Variants in LRRC31 observed in about 807,000 individuals in gnomAD.
LRRC31 encodes leucine rich repeat containing 31.
In LRRC31, 35 loss-of-function variants were observed where a neutral mutation model predicts 46.7. The ratio of observed to expected loss-of-function variants is 0.75; its 90% CI spans 0.57 to 0.99. The LOEUF is 0.99. Among genes scored for constraint, LRRC31 ranks in the 50% least tolerant of loss-of-function variants. The pLI is 0.00. For synonymous variants in LRRC31, 236 were observed against 235.1 expected, an observed-to-expected ratio of 1.00 and a Z score of -0.03; for missense variants, 613 against 626.1, an observed-to-expected ratio of 0.98 and a Z score of 0.22.
At position 169,860,741 on chromosome 3, in the gene LRRC31, A is replaced by T; in HGVS notation, c.320-13T>A. ...GGCAGCAAGGCAACTAGAAGTGAAC[A>T]GAAGAAAATACAGATATGTGTATGT... On this transcript the variant is annotated splice_polypyrimidine_tract_variant and intron_variant, in intron 2 of 8. Transcript: ENST00000316428. 1 of 1,612,184 alleles carries T rather than the reference A, an allele frequency of 6.2e-7. No homozygotes were observed.
intron 8 of LRRC31, among the ~76,000 whole-genome samples, chr3:169,844,514 T>C (rs1780545029): frequency 6.6e-6 from 1 of 152,172 alleles, no homozygotes; most frequent in African/African-American, 2.4e-5. Flanking sequence ...GCTTTTCCCC[T>C]TAGCTTAGGG....
intron 8 of LRRC31, among the ~76,000 whole-genome samples, chr3:169,842,731 A>G (rs752227248): frequency 1.3e-5 from 2 of 152,188 alleles, no homozygotes; most frequent in African/African-American, 2.4e-5. Flanking sequence ...TTGACCTGAG[A>G]AAAAAACTGT....
chr3:169,842,026 C>T (rs1422119386), intron 8 of LRRC31, among the ~76,000 whole-genome samples: 1 of 152,026 alleles, frequency 6.6e-6, no homozygotes, highest in Non-Finnish European at 1.5e-5. Context: ...GCCTGGGTGA[C>T]ACAGCAAGAC....
At chr3:169,855,274 C>A (rs1026132196) in intron 5 of LRRC31, among the ~76,000 whole-genome samples, 3 of 151,998 alleles carry the variant, frequency 2.0e-5, no homozygotes, top group Admixed American at 6.6e-5. Context: ...TCTGACATAT[C>A]GCAAGGTGGT....
intron 1 of LRRC31, among the ~76,000 whole-genome samples, chr3:169,867,450 G>T (rs912432147): frequency 2.0e-5 from 3 of 151,806 alleles, no homozygotes; most frequent in African/African-American, 7.3e-5. Flanking sequence ...ATAGAGACTG[G>T]GTTTTACCGT....
chr3:169,842,105 T>A (rs1160508551), intron 8 of LRRC31, among the ~76,000 whole-genome samples: 1 of 152,094 alleles, frequency 6.6e-6, no homozygotes, highest in Non-Finnish European at 1.5e-5. Context: ...GATTTTATAA[T>A]GTGAGCACCC....
intron 5 of LRRC31, among the ~76,000 whole-genome samples, chr3:169,855,784 G>A (rs1314429368): frequency 6.6e-6 from 1 of 152,050 alleles, no homozygotes; most frequent in East Asian, 1.9e-4. Flanking sequence ...ATTTTTCCCA[G>A]TGTTTATCTT....
intron 3 of LRRC31, 41 bp downstream of exon 3, chr3:169,860,520 G>A (rs987461757): frequency 5.0e-6 from 8 of 1,606,416 alleles, no homozygotes; most frequent in East Asian, 2.2e-5. Flanking sequence ...GAGCCACGGC[G>A]CCCGGCCGAA....
At chr3:169,847,555 T>A (rs1780643156) in intron 8 of LRRC31, among the ~76,000 whole-genome samples, 1 of 152,232 alleles carries the variant, frequency 6.6e-6, no homozygotes, top group South Asian at 2.1e-4. Flanking sequence ...CTTATTCAAT[T>A]ATCTTTCCAT....
At chr3:169,867,714 T>A (rs1170165345) in intron 1 of LRRC31, among the ~76,000 whole-genome samples, 1 of 152,258 alleles carries the variant, frequency 6.6e-6, no homozygotes, top group African/African-American at 2.4e-5. Context: ...TTCTTTATTC[T>A]ATTTTTGCAT....
At chr3:169,841,391 A>C (rs943284472) in intron 8 of LRRC31, among the ~76,000 whole-genome samples, 5 of 152,168 alleles carry the variant, frequency 3.3e-5, no homozygotes, top group Admixed American at 3.3e-4. Context: ...CTTTCAGATC[A>C]AGGAGGATGC....
rs376171300 is a variant in LRRC31 at position 169,854,560 on chromosome 3, A to C, written c.991+253T>G. ...AGATTTATTTCTAAACAGCAACATA[A>C]ATTCAAAATTTTCCCTAAGTGCCAA... On this transcript the variant is annotated intron_variant, in intron 6 of 8. Transcript: ENST00000316428. Among the ~76,000 whole-genome samples, 62 of 152,334 alleles carry C rather than the reference A, an allele frequency of 4.1e-4. 1 individual carries two copies. In the South Asian group the frequency reaches 0.012, roughly 29 times the overall value.
At chr3:169,857,768 T>C (rs1033468427) in intron 3 of LRRC31, among the ~76,000 whole-genome samples, 4 of 152,162 alleles carry the variant, frequency 2.6e-5, no homozygotes, top group Non-Finnish European at 4.4e-5. Flanking sequence ...GAACCCTCTT[T>C]ACTACCTGTC....
intron 6 of LRRC31, among the ~76,000 whole-genome samples, chr3:169,852,631 C>A (rs1255218877): frequency 6.6e-6 from 1 of 152,120 alleles, no homozygotes; most frequent in Non-Finnish European, 1.5e-5. Context: ...GGCACTGGGT[C>A]CTGAGGGGCC....
chr3:169,860,629 A>G lies in LRRC31; in HGVS notation c.419T>C (p.Leu140Pro), dbSNP rs1192409183. 6.2e-7 allele frequency: 1 copy of G among 1,614,242 alleles called. No homozygotes were observed. The highest frequency in any genetic ancestry group is 1.1e-5 in the South Asian group (1 of 91,084). The part of the protein sequence containing the change: ...TLLSITQQMH[L>P]VSKLKILRLG... ...CCTCAAGATTTTTAACTTGCTGACC[A>G]GATGCATTTGCTGAGTGATGGAAAG... The change falls in exon 3 of 9, where the codon CTG becomes CCG. Residue 140 changes from leucine to proline, a missense_variant. Leu to Pro is a moderately conservative substitution (Grantham distance 98, BLOSUM62 -3). Transcript: ENST00000316428.
chr3:169,865,075 C>CAA (rs540858560), intron 1 of LRRC31, among the ~76,000 whole-genome samples: 29 of 136,058 alleles, frequency 2.1e-4, no homozygotes, highest in Non-Finnish European at 3.8e-4. Flanking sequence ...GACTCCATCT[C>CAA]AAAAAAAAAA....
chr3:169,862,297 G>A (rs1430213438), intron 1 of LRRC31, among the ~76,000 whole-genome samples: 1 of 152,196 alleles, frequency 6.6e-6, no homozygotes, highest in Non-Finnish European at 1.5e-5. Context: ...TTGCCGGTCA[G>A]TTTCTAGACC....
chr3:169,863,540 A>G (rs1485603611), intron 1 of LRRC31, among the ~76,000 whole-genome samples: 1 of 152,204 alleles, frequency 6.6e-6, no homozygotes, highest in Non-Finnish European at 1.5e-5. Flanking sequence ...TGTTTGGTCT[A>G]AGAAAACCAC....
chr3:169,869,606 C>T (rs776316101), intron 1 of LRRC31, 27 bp downstream of exon 1: 1 of 1,538,744 alleles, frequency 6.5e-7, no homozygotes. Context: ...AATACAACAG[C>T]AAAAACACCA....
Sources: gnomAD v4.1 joint callset for allele counts (sites outside exome capture counted in the v4.1 genomes callset) on GRCh38, gnomAD v4.1.1 for gene constraint, MANE v1.5 for transcripts, NCBI Gene and HGNC (gene_info 2026-07-23, HGNC 2026-07-21) for gene names.